PPHLN1: variants seen among roughly 807,000 people sequenced by gnomAD.
PPHLN1 encodes periphilin 1.
In PPHLN1, 29 loss-of-function variants were observed where a neutral mutation model predicts 51.3. The observed-to-expected ratio is 0.57, with a 90% CI of 0.42 to 0.77. The LOEUF is 0.77. Ranked by LOEUF, PPHLN1 falls within the 30% of genes least tolerant of loss-of-function variation. PPHLN1 has a pLI of 0.00. For missense variants in PPHLN1, 436 were observed against 438.4 expected (o/e 0.99, Z 0.05); for synonymous variants, 147 against 147.8 (o/e 0.99, Z 0.04).
At position 42,375,088 on chromosome 12, in the gene PPHLN1, G is replaced by T; in HGVS notation, c.511+14G>T. ...CTCAACATAGAAGTATGTATTTTAA[G>T]ACTTTATTTTTTTCTCTCACAGTCT... On this transcript the variant is annotated intron_variant, in intron 5 of 9. Transcript: ENST00000358314. 4 of 1,572,178 alleles carry T rather than the reference G, an allele frequency of 2.5e-6. No homozygotes were observed. The highest frequency in any genetic ancestry group is 2.6e-6 in the Non-Finnish European group (3 of 1,153,562).
intron 9 of PPHLN1, among the ~76,000 whole-genome samples, chr12:42,409,709 T>C (rs567524952): frequency 3.9e-5 from 6 of 152,212 alleles, no homozygotes; most frequent in East Asian, 1.9e-4. Context: ...TTTCTGAACA[T>C]TGTCCTGAAC....
rs1006178831 is a variant in PPHLN1 at position 42,441,875 on chromosome 12, G to T, written c.*366G>T. The T allele has an allele frequency of 1.4e-5, 14 of 1,003,200 alleles. No individual in the cohort carries two copies. The highest frequency in any genetic ancestry group is 1.3e-5 in the Non-Finnish European group (11 of 842,172). The allele number at this position is 1,003,200 out of a possible 1,614,324, so 62.1% of individuals were successfully genotyped here. A position where few individuals can be genotyped will look rare whatever the true frequency, so the allele number is the denominator to read the frequency against. ...TTCTGAGTTGTGATTTTATTGACTTGTTGCTTGCTTTTTCTTAGGCTTTGT... is the reference window on the plus strand; with the variant it reads ...TTCTGAGTTGTGATTTTATTGACTTTTTGCTTGCTTTTTCTTAGGCTTTGT... On this transcript the variant is annotated 3_prime_UTR_variant, in exon 10 of 10. Coordinates refer to ENST00000358314, the MANE Select transcript of PPHLN1 (RefSeq NM_201439.2).
At position 42,384,944 on chromosome 12, in the gene PPHLN1, C is replaced by A. The variant is rs147227639; in HGVS notation, c.516C>A (p.Ser172=). ...TCCCTGCCCACCTTTCCATAGAGTC[C>A]GTGCGTCCTGGTGCCTCCTACAAAC... The part of the protein sequence containing the change: ...YSFHQSQHRK[S]VRPGASYKRQ... The change falls in exon 6 of 10, where the codon TCC becomes TCA. Residue 172 remains serine, a synonymous_variant. Transcript: ENST00000358314. The A allele has an allele frequency of 2.5e-6, 4 of 1,609,440 alleles. No individual in the cohort carries two copies. In the Admixed American group the frequency reaches 5.0e-5, roughly 20 times the overall value.
intron 9 of PPHLN1, among the ~76,000 whole-genome samples, chr12:42,415,025 T>G (rs1244940676): frequency 6.6e-6 from 1 of 152,206 alleles, no homozygotes; most frequent in Non-Finnish European, 1.5e-5. Context: ...CAGGTTCCCT[T>G]GCATGTATTA....
At chr12:42,356,729 C>T (rs987619510) in intron 4 of PPHLN1, among the ~76,000 whole-genome samples, 3 of 152,058 alleles carry the variant, frequency 2.0e-5, no homozygotes, top group South Asian at 2.1e-4. Context: ...TTTCCTTGAC[C>T]GGGTAATTGG....
In PPHLN1 at chr12:42,396,787, C is replaced by G. The variant is rs1042654944; in HGVS notation, c.769-2067C>G. Among the ~76,000 whole-genome samples the G allele has an allele frequency of 4.0e-5, 6 of 150,054 alleles. No individual in the cohort carries two copies. In the South Asian group the frequency reaches 8.4e-4, roughly 21 times the overall value. ...GCTGGGTGACAGAGCAAGACCCTGT[C>G]TCAGAAAAAAAAGAAATGGGGACAG... On this transcript the variant is annotated intron_variant, in intron 8 of 9. Transcript: ENST00000358314.
intron 7 of PPHLN1, among the ~76,000 whole-genome samples, chr12:42,391,471 T>C (rs1284453271): frequency 1.3e-5 from 2 of 152,108 alleles, no homozygotes; most frequent in Admixed American, 1.3e-4. Context: ...CTCACACTCC[T>C]GACCTCAGGT....
chr12:42,355,715 C>T (rs1162899986), intron 4 of PPHLN1: 1 of 148,868 alleles, frequency 6.7e-6, no homozygotes, highest in Non-Finnish European at 1.5e-5. Context: ...CGTGCAGCTG[C>T]ACTCCAGCCT....
chr12:42,422,282 A>G (rs1236990800), intron 9 of PPHLN1, among the ~76,000 whole-genome samples: 2 of 152,218 alleles, frequency 1.3e-5, no homozygotes, highest in Non-Finnish European at 1.5e-5. Flanking sequence ...TTTGATGTTT[A>G]TGCTTTTTAT....
intron 2 of PPHLN1, among the ~76,000 whole-genome samples, chr12:42,344,708 ATT>A (rs35335129): frequency 1.0e-4 from 14 of 134,040 alleles, no homozygotes; most frequent in Non-Finnish European, 1.3e-4. Flanking sequence ...AACAGTGTGG[ATT>A]TTTTTTTTTT....
At chr12:42,413,143 CT>C (rs2080027795) in intron 9 of PPHLN1, among the ~76,000 whole-genome samples, 1 of 152,040 alleles carries the variant, frequency 6.6e-6, no homozygotes, top group Non-Finnish European at 1.5e-5. Context: ...ATTTTTGTTT[CT>C]GTTGCATTTG....
At chr12:42,446,487 A>G, downstream of PPHLN1, 1 of 1,438,430 alleles carries the variant, frequency 7.0e-7, no homozygotes, top group Non-Finnish European at 9.4e-7. Flanking sequence ...TATGCAAAAA[A>G]AAATCTCTCC....
At chr12:42,405,645 G>A (rs1357238385) in intron 9 of PPHLN1, among the ~76,000 whole-genome samples, 1 of 151,428 alleles carries the variant, frequency 6.6e-6, no homozygotes, top group Admixed American at 6.6e-5. Context: ...TGCAATATAT[G>A]TTATTTCTGT....
intron 9 of PPHLN1, among the ~76,000 whole-genome samples, chr12:42,406,875 G>A (rs1166036364): frequency 2.0e-5 from 3 of 151,956 alleles, no homozygotes; most frequent in African/African-American, 7.3e-5. Flanking sequence ...ATGATTTTAT[G>A]TATTGTTTGT....
At chr12:42,344,176 A>G (rs1335435953) in intron 2 of PPHLN1, among the ~76,000 whole-genome samples, 1 of 152,216 alleles carries the variant, frequency 6.6e-6, no homozygotes. Flanking sequence ...GGAATAGAGC[A>G]GTAAATAAGA....
intron 4 of PPHLN1, among the ~76,000 whole-genome samples, chr12:42,358,151 C>T (rs576554271): frequency 6.6e-6 from 1 of 152,156 alleles, no homozygotes; most frequent in Admixed American, 6.5e-5. Flanking sequence ...TAGGTTGATT[C>T]TATATCTTTC....
intron 4 of PPHLN1, among the ~76,000 whole-genome samples, chr12:42,364,865 C>T (rs940213133): frequency 1.7e-4 from 26 of 152,014 alleles, no homozygotes. Context: ...AGTTTGCAGG[C>T]GAAGGCGTGC....
chr12:42,357,924 A>G (rs2074224674), intron 4 of PPHLN1, among the ~76,000 whole-genome samples: 1 of 152,150 alleles, frequency 6.6e-6, no homozygotes, highest in Non-Finnish European at 1.5e-5. Context: ...CACTATGTCC[A>G]TATGTACACA....
intron 1 of PPHLN1, among the ~76,000 whole-genome samples, chr12:42,327,027 G>T (rs1432810993): frequency 1.3e-5 from 2 of 152,180 alleles, no homozygotes; most frequent in East Asian, 1.9e-4. Context: ...CTCCGTGGCC[G>T]ACAGGAGACC....
Sources: allele counts gnomAD v4.1 joint callset (sites outside exome capture counted in the v4.1 genomes callset), GRCh38; gene constraint gnomAD v4.1.1; transcripts MANE v1.5; gene names NCBI Gene and HGNC (gene_info 2026-07-23, HGNC 2026-07-21).